The following FSTL1 variants were observed in gnomAD, a reference collection of about 807,000 sequenced individuals.
FSTL1 encodes follistatin-related protein 1.
Under a neutral mutation model 45.9 loss-of-function variants are expected in FSTL1, and 24 were observed. The observed-to-expected ratio is 0.52, with a 90% CI of 0.38 to 0.74. FSTL1 has a LOEUF of 0.74. FSTL1 is among the 30% of genes least tolerant of loss of function. The probability of loss-of-function intolerance (pLI) is 0.00; values close to 1 mark genes in which losing one functional copy is unlikely to be tolerated. For synonymous variants in FSTL1, 120 were observed against 137.6 expected (o/e 0.87, Z 0.89); for missense variants, 340 against 381.8 (o/e 0.89, Z 0.91).
chr3:120,429,928 G>C (rs1275524509), intron 2 of FSTL1, among the ~76,000 whole-genome samples: 2 of 152,164 alleles, frequency 1.3e-5, no homozygotes, highest in African/African-American at 4.8e-5. Context: ...CAGTGGAGTG[G>C]GATCATTCCA....
chr3:120,417,440 G>A (rs189980579), intron 2 of FSTL1, among the ~76,000 whole-genome samples: 2 of 152,322 alleles, frequency 1.3e-5, no homozygotes, highest in East Asian at 3.9e-4. Flanking sequence ...CATTGGTCTA[G>A]AAGCCGTTCT....
intron 10 of FSTL1, among the ~76,000 whole-genome samples, chr3:120,397,873 G>A (rs899186881): frequency 6.6e-6 from 1 of 152,172 alleles, no homozygotes; most frequent in Non-Finnish European, 1.5e-5. Flanking sequence ...ATTAAATGAT[G>A]AATGGATAAC....
intron 2 of FSTL1, among the ~76,000 whole-genome samples, chr3:120,450,348 G>T (rs1167566262): frequency 1.3e-5 from 2 of 152,154 alleles, no homozygotes; most frequent in African/African-American, 4.8e-5. Flanking sequence ...CTCCTCTGAA[G>T]TGAAGGACGG....
At chr3:120,416,740 A>G (rs1456505272) in intron 2 of FSTL1, among the ~76,000 whole-genome samples, 2 of 152,234 alleles carry the variant, frequency 1.3e-5, no homozygotes, top group African/African-American at 2.4e-5. Context: ...CATGTCTGCC[A>G]CTGTCTTCAA....
chr3:120,439,261 T>C (rs978193027), intron 2 of FSTL1, among the ~76,000 whole-genome samples: 2 of 152,208 alleles, frequency 1.3e-5, no homozygotes, highest in African/African-American at 4.8e-5. Context: ...GGAATTCAGC[T>C]GGAGGCTGAG....
At chr3:120,406,850 C>A (rs997707325) in intron 6 of FSTL1, among the ~76,000 whole-genome samples, 1 of 151,742 alleles carries the variant, frequency 6.6e-6, no homozygotes, top group Non-Finnish European at 1.5e-5. Flanking sequence ...TGCTTGGGAC[C>A]AGAAGTGTTT....
chr3:120,441,421 A>C (rs1937626439), intron 2 of FSTL1: 1 of 152,240 alleles, frequency 6.6e-6, no homozygotes, highest in Admixed American at 6.5e-5. Context: ...GAATGATAGA[A>C]CTGTGGCTTC....
chr3:120,450,338 C>G (rs1455934582), intron 2 of FSTL1, among the ~76,000 whole-genome samples: 2 of 152,168 alleles, frequency 1.3e-5, no homozygotes, highest in South Asian at 4.1e-4. Context: ...TACTCTCAGT[C>G]TCCTCTGAAG....
chr3:120,403,940 AAAAACAAAAACAAAAC>A lies in FSTL1; in HGVS notation c.582-602_582-587del, dbSNP rs1936887286. On this transcript the variant is annotated intron_variant, in intron 7 of 10. Coordinates refer to ENST00000295633, the MANE Select transcript of FSTL1 (RefSeq NM_007085.5). ...CGTCTCAAAAAAAAAAAAAAAAAAA[AAAAACAAAAACAAAAC>A]AAAACAAAAACAAAAACAAAAAAAA... Among the ~76,000 whole-genome samples the A allele has an allele frequency of 4.7e-5, 4 of 85,664 alleles. 1 individual carries two copies. Among genetic ancestry groups the A allele is most frequent in the African/African-American group, 7.3e-5 (2 of 27,282 alleles). 56.2% of individuals were successfully genotyped at this position (85,664 alleles called of 152,430 possible).
chr3:120,423,455 G>C (rs559081112), intron 2 of FSTL1: 1 of 152,124 alleles, frequency 6.6e-6, no homozygotes, highest in Admixed American at 6.6e-5. Context: ...TTAGAAACAT[G>C]TTAGGCCTGT....
intron 6 of FSTL1, 114 bp downstream of exon 6, chr3:120,409,418 G>A: frequency 5.4e-6 from 5 of 927,350 alleles, no homozygotes; most frequent in South Asian, 3.1e-5. Flanking sequence ...GGAAACTCAG[G>A]GTGTCTGTGC....
At chr3:120,408,446 A>C (rs775296513) in intron 6 of FSTL1, among the ~76,000 whole-genome samples, 13 of 152,256 alleles carry the variant, frequency 8.5e-5, no homozygotes, top group Non-Finnish European at 1.8e-4. Context: ...AAGCCAACCC[A>C]GTATTTCTTC....
intron 2 of FSTL1, among the ~76,000 whole-genome samples, chr3:120,439,113 G>C (rs535347692): frequency 4.6e-5 from 7 of 152,170 alleles, no homozygotes; most frequent in Non-Finnish European, 1.5e-5. Context: ...CTCTCCCAGC[G>C]GAGAGGCGTG....
intron 2 of FSTL1, among the ~76,000 whole-genome samples, chr3:120,429,786 A>G (rs1216499759): frequency 6.6e-6 from 1 of 152,172 alleles, no homozygotes; most frequent in South Asian, 2.1e-4. Flanking sequence ...AGCAGATGGG[A>G]CCATCTTTGC....
At position 120,411,884 on chromosome 3, in the gene FSTL1, T is replaced by C. The variant is rs776641591; in HGVS notation, c.268A>G (p.Ile90Val). ...HRDACLTGSK[I>V]QVDYDGHCKE... ...CAGTGTCCATCGTAATCAACCTGGA[T>C]TTTGGATCCAGTGAGGCAGGCATCT... Residue 90 changes from isoleucine to valine, a missense_variant, in exon 4 of 11, where the codon ATC (isoleucine) becomes GTC (valine). Transcript: ENST00000295633. 1.2e-6 allele frequency: 2 copies of C among 1,613,544 alleles called. No homozygotes were observed. Among genetic ancestry groups the C allele is most frequent in the Non-Finnish European group, 1.7e-6 (2 of 1,179,460 alleles).
chr3:120,421,601 C>T (rs1306123581), intron 2 of FSTL1: 1 of 152,308 alleles, frequency 6.6e-6, no homozygotes, highest in Non-Finnish European at 1.5e-5. Flanking sequence ...ACCTTGAAAC[C>T]TTGCTGGAGT....
chr3:120,412,828 GCGCGCGCGCGCA>G (rs1559737003), intron 3 of FSTL1, among the ~76,000 whole-genome samples: 1,149 of 67,476 alleles, frequency 0.017, 13 homozygotes, highest in African/African-American at 0.046. Context: ...GTGCGCGCGC[GCGCGCGCGCGCA>G]CACACACACA....
At position 120,442,769 on chromosome 3, in the gene FSTL1, C is replaced by T. The variant is rs545215659; in HGVS notation, c.63+7915G>A. Among the ~76,000 whole-genome samples the T allele has an allele frequency of 1.5e-4, 19 of 123,784 alleles. 1 individual carries two copies. The highest frequency in any genetic ancestry group is 5.3e-4 in the African/African-American group (18 of 33,656). The allele number at this position is 123,784 out of a possible 152,430, so 81.2% of individuals were successfully genotyped here. On this transcript the variant is annotated intron_variant, in intron 2 of 10. Transcript: ENST00000295633. Reference sequence around the variant, plus strand: ...CTGTGCTCCAGCCTGGGTGACAGAGCGGACTCCATCTCAAAAAAGAAAAAA... The same window carrying T: ...CTGTGCTCCAGCCTGGGTGACAGAGTGGACTCCATCTCAAAAAAGAAAAAA...
At chr3:120,402,995 T>A in intron 8 of FSTL1, 77 bp from the exon 9 acceptor site, 1 of 962,586 alleles carries the variant, frequency 1.0e-6, no homozygotes, top group South Asian at 1.3e-5. Context: ...TCTGTGCACC[T>A]TACCCTTTTT....
Sources: allele counts gnomAD v4.1 joint callset (sites outside exome capture counted in the v4.1 genomes callset), GRCh38; gene constraint gnomAD v4.1.1; transcripts MANE v1.5; gene names NCBI Gene and HGNC (gene_info 2026-07-23, HGNC 2026-07-21).